Variants in NUDCD3 observed in about 807,000 individuals in gnomAD.
The protein encoded by NUDCD3 is nudC domain-containing protein 3.
Under a neutral mutation model 39.7 loss-of-function variants are expected in NUDCD3, and 13 were observed. The ratio of observed to expected loss-of-function variants is 0.33; its 90% CI spans 0.21 to 0.52. The LOEUF (loss-of-function observed/expected upper bound fraction) is 0.52. Among genes scored for constraint, NUDCD3 ranks in the 20% least tolerant of loss-of-function variants. The pLI, the probability that NUDCD3 is intolerant of heterozygous loss-of-function variation, is 0.96. For synonymous variants in NUDCD3, 175 were observed against 172.4 expected (o/e 1.02, Z -0.12); for missense variants, 453 against 458.1 (o/e 0.99, Z 0.10).
At chr7:44,432,522 A>G (rs902214718) in intron 2 of NUDCD3, among the ~76,000 whole-genome samples, 4 of 152,186 alleles carry the variant, frequency 2.6e-5, no homozygotes, top group Non-Finnish European at 5.9e-5. Context: ...TGGCTCCCCA[A>G]GTCACAGCCA....
intron 3 of NUDCD3, among the ~76,000 whole-genome samples, chr7:44,419,121 G>A (rs1225249203): frequency 1.3e-5 from 2 of 152,170 alleles, no homozygotes; most frequent in Non-Finnish European, 2.9e-5. Flanking sequence ...TGAAGCCAGG[G>A]AGCCAAGGGA....
At chr7:44,441,623 G>T (rs1799586648) in intron 2 of NUDCD3, among the ~76,000 whole-genome samples, 1 of 152,094 alleles carries the variant, frequency 6.6e-6, no homozygotes, top group African/African-American at 2.4e-5. Flanking sequence ...ACCCACACTT[G>T]GATCCCAGGC....
chr7:44,458,501 T>C (rs533903041), intron 2 of NUDCD3, among the ~76,000 whole-genome samples: 270 of 152,056 alleles, frequency 1.8e-3, no homozygotes, highest in Non-Finnish European at 3.3e-3. Flanking sequence ...CTCTATTAAA[T>C]ACAAAAAATT....
chr7:44,465,174 T>C (rs1328886983), intron 2 of NUDCD3, among the ~76,000 whole-genome samples: 2 of 152,222 alleles, frequency 1.3e-5, no homozygotes, highest in Non-Finnish European at 2.9e-5. Flanking sequence ...TCTTAATGTT[T>C]TTTACATGTA....
chr7:44,410,605 A>G (rs1305779876), intron 3 of NUDCD3, among the ~76,000 whole-genome samples: 1 of 151,176 alleles, frequency 6.6e-6, no homozygotes, highest in Non-Finnish European at 1.5e-5. Flanking sequence ...TGGAGCTTGC[A>G]GTGAGTGGAG....
intron 3 of NUDCD3, among the ~76,000 whole-genome samples, chr7:44,415,497 T>TA (rs1316951585): frequency 3.9e-5 from 6 of 152,258 alleles, no homozygotes; most frequent in Non-Finnish European, 7.3e-5. Context: ...TGATTTTTTT[T>TA]AAATGTTACG....
chr7:44,429,388 T>C (rs1799307227), intron 2 of NUDCD3, among the ~76,000 whole-genome samples: 1 of 152,082 alleles, frequency 6.6e-6, no homozygotes, highest in Non-Finnish European at 1.5e-5. Flanking sequence ...GAAGGCCATG[T>C]GGAGACAATG....
At chr7:44,433,648 G>GT (rs2116911590) in intron 2 of NUDCD3, among the ~76,000 whole-genome samples, 1 of 152,266 alleles carries the variant, frequency 6.6e-6, no homozygotes, top group South Asian at 2.1e-4. Flanking sequence ...GCAACCAGCA[G>GT]ACATGGCTCA....
At chr7:44,422,570 TC>T (rs1265501388) in intron 3 of NUDCD3, among the ~76,000 whole-genome samples, 3 of 151,958 alleles carry the variant, frequency 2.0e-5, no homozygotes, top group African/African-American at 7.3e-5. Flanking sequence ...ATACACACCC[TC>T]CCAAGACTAA....
chr7:44,426,941 A>C (rs1799247991), intron 3 of NUDCD3, among the ~76,000 whole-genome samples: 1 of 152,094 alleles, frequency 6.6e-6, no homozygotes, highest in South Asian at 2.1e-4. Flanking sequence ...CTGTGATTAA[A>C]GGTTGTGGAG....
chr7:44,424,432 T>TTACAAG (rs1799196771), intron 3 of NUDCD3, among the ~76,000 whole-genome samples: 1 of 151,414 alleles, frequency 6.6e-6, no homozygotes, highest in Admixed American at 6.6e-5. Flanking sequence ...ACAAGAAACT[T>TTACAAG]AAACAAATTT....
intron 2 of NUDCD3, among the ~76,000 whole-genome samples, chr7:44,454,070 T>C (rs953992672): frequency 6.6e-6 from 1 of 152,178 alleles, no homozygotes; most frequent in Non-Finnish European, 1.5e-5. Context: ...CCGGGCATGG[T>C]GGCTCACGCC....
intron 4 of NUDCD3, among the ~76,000 whole-genome samples, chr7:44,397,730 T>C (rs1798649966): frequency 6.6e-6 from 1 of 152,228 alleles, no homozygotes; most frequent in South Asian, 2.1e-4. Context: ...GTATGCTGTA[T>C]GTATAATATA....
chr7:44,437,560 C>T (rs1799491629), intron 2 of NUDCD3, among the ~76,000 whole-genome samples: 1 of 152,170 alleles, frequency 6.6e-6, no homozygotes, highest in Non-Finnish European at 1.5e-5. Context: ...TACCCTGTCA[C>T]TGACCTGACT....
In NUDCD3 at chr7:44,384,347, G is replaced by A. The variant is rs1368230223; in HGVS notation, c.*1664C>T. The A allele has an allele frequency of 6.6e-6, 1 of 152,166 alleles. No homozygotes were observed. The highest frequency in any genetic ancestry group is 6.5e-5 in the Admixed American group (1 of 15,282). The allele number at this position is 152,166 out of a possible 1,614,324, so 9.4% of individuals were successfully genotyped here. A position where few individuals can be genotyped will look rare whatever the true frequency, so the allele number is the denominator to read the frequency against. Reference sequence around the variant, plus strand: ...CAAGTCTTTCTCAGGACCCCTCATAGATGACAAGAATTCTGCTCCCCAGGG... The same window carrying A: ...CAAGTCTTTCTCAGGACCCCTCATAAATGACAAGAATTCTGCTCCCCAGGG... On this transcript the variant is annotated 3_prime_UTR_variant, in exon 6 of 6. Coordinates refer to ENST00000355451, the MANE Select transcript of NUDCD3 (RefSeq NM_015332.4).
intron 2 of NUDCD3, among the ~76,000 whole-genome samples, chr7:44,459,414 C>T: frequency 6.6e-6 from 1 of 152,086 alleles, no homozygotes; most frequent in East Asian, 1.9e-4. Context: ...TCTGGAACTC[C>T]TGGGCTCATG....
At chr7:44,445,808 T>C (rs1799680991) in intron 2 of NUDCD3, among the ~76,000 whole-genome samples, 1 of 152,256 alleles carries the variant, frequency 6.6e-6, no homozygotes, top group East Asian at 1.9e-4. Context: ...AAAGAGGTTT[T>C]ACGTGTCTGA....
intron 2 of NUDCD3, among the ~76,000 whole-genome samples, chr7:44,484,258 TAAGG>T (rs1433687043): frequency 6.6e-6 from 1 of 152,142 alleles, no homozygotes; most frequent in Non-Finnish European, 1.5e-5. Context: ...ACTCAGACTG[TAAGG>T]AAGGACTGTA....
At chr7:44,456,728 C>A (rs544478687) in intron 2 of NUDCD3, among the ~76,000 whole-genome samples, 2 of 151,458 alleles carry the variant, frequency 1.3e-5, no homozygotes, top group Non-Finnish European at 1.5e-5. Flanking sequence ...TGCAATACAG[C>A]CTGCGTGATA....
Sources: allele counts gnomAD v4.1 joint callset (sites outside exome capture counted in the v4.1 genomes callset), GRCh38; gene constraint gnomAD v4.1.1; transcripts MANE v1.5; gene names NCBI Gene and HGNC (gene_info 2026-07-23, HGNC 2026-07-21).